PCDHA7: variants seen among roughly 807,000 people sequenced by gnomAD.
PCDHA7 encodes the protein protocadherin alpha-7.
PCDHA7 carries 37 observed loss-of-function variants against 57.2 expected under a neutral mutation model. That is an observed-to-expected ratio of 0.65 (90% CI 0.50 to 0.85). The LOEUF (loss-of-function observed/expected upper bound fraction) is 0.85, where lower values mean the gene tolerates loss of function less well. Ranked by LOEUF, PCDHA7 falls within the 40% of genes least tolerant of loss-of-function variation. The pLI, the probability that PCDHA7 is intolerant of heterozygous loss-of-function variation, is 0.00. For synonymous variants in PCDHA7, 553 were observed against 558.8 expected, an observed-to-expected ratio of 0.99 and a Z score of 0.15; for missense variants, 1,188 against 1,241.8, an observed-to-expected ratio of 0.96 and a Z score of 0.65.
intron 1 of PCDHA7, chr5:140,875,542 T>A: frequency 6.2e-7 from 1 of 1,614,134 alleles, no homozygotes; most frequent in Non-Finnish European, 8.5e-7. Flanking sequence ...CCTTGCAGCC[T>A]GGGAGGTGGG....
intron 3 of PCDHA7, among the ~76,000 whole-genome samples, chr5:140,988,304 C>T (rs1554250029): frequency 6.6e-6 from 1 of 152,308 alleles, no homozygotes; most frequent in African/African-American, 2.4e-5. Flanking sequence ...GGAGTGCCAG[C>T]TTGGCTTGGC....
intron 1 of PCDHA7, among the ~76,000 whole-genome samples, chr5:140,908,124 C>A (rs782391085): frequency 6.6e-6 from 1 of 152,234 alleles, no homozygotes; most frequent in Non-Finnish European, 1.5e-5. Flanking sequence ...GATTTCCCTT[C>A]ACTGCTGTCC....
chr5:140,841,432 G>A (rs1365563680), intron 1 of PCDHA7: 5 of 1,612,878 alleles, frequency 3.1e-6, no homozygotes, highest in African/African-American at 1.3e-5. Flanking sequence ...CCGTCCCCGA[G>A]GAGGCCAAAC....
At chr5:140,892,350 T>C (rs1195187313) in intron 1 of PCDHA7, among the ~76,000 whole-genome samples, 1 of 152,262 alleles carries the variant, frequency 6.6e-6, no homozygotes, top group Non-Finnish European at 1.5e-5. Context: ...AATTGACTTT[T>C]GCCAGGCATC....
Position 140,870,951 on chromosome 5 carries a change from C to T in PCDHA7, c.2355+34213C>T, listed in dbSNP as rs781985952. 6 of 1,613,558 alleles carry T rather than the reference C, an allele frequency of 3.7e-6. No individual in the cohort carries two copies. The Admixed American group carries it at 1.0e-4, about 27-fold the overall frequency. ...ATGAATTGCAGCCGGCGGCGGGCGGCTCGCGCATCCCGTTCCGCGTGGGGC... is the reference window on the plus strand; with the variant it reads ...ATGAATTGCAGCCGGCGGCGGGCGGTTCGCGCATCCCGTTCCGCGTGGGGC... On this transcript the variant is annotated intron_variant, in intron 1 of 3. Transcript: ENST00000525929.
At chr5:140,850,475 G>A (rs372827076) in intron 1 of PCDHA7, 1 of 1,598,006 alleles carries the variant, frequency 6.3e-7, no homozygotes, top group Middle Eastern at 1.7e-4. Flanking sequence ...CAGCGCTGAC[G>A]GCCACGGCCA....
intron 1 of PCDHA7, among the ~76,000 whole-genome samples, chr5:140,890,852 C>G (rs2153432069): frequency 6.6e-6 from 1 of 152,254 alleles, no homozygotes; most frequent in South Asian, 2.1e-4. Flanking sequence ...TGTTTCTCTT[C>G]CTTACTTCTT....
chr5:140,927,308 C>T (rs782694957), intron 1 of PCDHA7: 3 of 1,614,186 alleles, frequency 1.9e-6, no homozygotes, highest in Non-Finnish European at 2.5e-6. Flanking sequence ...TTCCTGACGC[C>T]CGGAGCCCGC....
chr5:140,887,649 T>C (rs2061527192), intron 1 of PCDHA7, among the ~76,000 whole-genome samples: 1 of 152,162 alleles, frequency 6.6e-6, no homozygotes, highest in South Asian at 2.1e-4. Context: ...TTTGTTGATA[T>C]TCTTGGATCT....
intron 1 of PCDHA7, among the ~76,000 whole-genome samples, chr5:140,942,273 G>C (rs1360564646): frequency 6.6e-6 from 1 of 152,132 alleles, no homozygotes; most frequent in South Asian, 2.1e-4. Context: ...AGCTGGTAAT[G>C]GTGGCTCATG....
At chr5:141,009,511 G>C in intron 3 of PCDHA7, 116 bp from the exon 4 acceptor site, 2 of 1,498,174 alleles carry the variant, frequency 1.3e-6, no homozygotes, top group Non-Finnish European at 1.8e-6. Context: ...CAAACAACTC[G>C]TGATTTTTCT....
chr5:140,972,660 AT>A (rs11350929), intron 1 of PCDHA7, among the ~76,000 whole-genome samples: 34,850 of 117,234 alleles, frequency 0.3, 4,025 homozygotes, highest in East Asian at 0.43. Context: ...AAGAAACCAA[AT>A]TTTTTTTTTT....
chr5:140,967,908 A>G (rs554849478), intron 1 of PCDHA7: 5 of 1,614,138 alleles, frequency 3.1e-6, no homozygotes, highest in East Asian at 2.2e-5. Flanking sequence ...GCTACACCCA[A>G]CACCATTGTG....
intron 1 of PCDHA7, chr5:140,854,253 A>C: frequency 1.3e-5 from 8 of 620,086 alleles, no homozygotes; most frequent in Non-Finnish European, 1.6e-5. Flanking sequence ...CACTTGGTAT[A>C]AAATGTACAT....
At chr5:140,873,843 T>C (rs2054523917) in intron 1 of PCDHA7, among the ~76,000 whole-genome samples, 1 of 152,144 alleles carries the variant, frequency 6.6e-6, no homozygotes, top group Non-Finnish European at 1.5e-5. Context: ...GTATTTTTAG[T>C]AGAGATGGGT....
chr5:140,991,121 C>G (rs1220661100), intron 3 of PCDHA7, among the ~76,000 whole-genome samples: 1 of 152,184 alleles, frequency 6.6e-6, no homozygotes, highest in Non-Finnish European at 1.5e-5. Context: ...TTCTTACATT[C>G]ACACAGCTAG....
At chr5:140,867,536 A>T (rs1177306827) in intron 1 of PCDHA7, 3 of 152,126 alleles carry the variant, frequency 2.0e-5, no homozygotes, top group African/African-American at 7.2e-5. Flanking sequence ...ATATATATAA[A>T]ATATTAGCAT....
chr5:140,939,851 A>G (rs1313215259), intron 1 of PCDHA7, among the ~76,000 whole-genome samples: 2 of 152,206 alleles, frequency 1.3e-5, no homozygotes, highest in African/African-American at 4.8e-5. Context: ...TGTGTTCTGT[A>G]TATGTCCATT....
chr5:140,995,367 T>G (rs2153932865), intron 3 of PCDHA7, among the ~76,000 whole-genome samples: 1 of 152,280 alleles, frequency 6.6e-6, no homozygotes, highest in East Asian at 1.9e-4. Context: ...AGAGGGATGA[T>G]TCACGTACTG....
Sources: allele counts gnomAD v4.1 joint callset (sites outside exome capture counted in the v4.1 genomes callset), GRCh38; gene constraint gnomAD v4.1.1; transcripts MANE v1.5; gene names NCBI Gene and HGNC (gene_info 2026-07-23, HGNC 2026-07-21).